The following SLC7A2 variants were observed in gnomAD, a reference collection of about 807,000 sequenced individuals.
SLC7A2 encodes solute carrier family 7 member 2, also known as cationic amino acid transporter 2.
SLC7A2 carries 48 observed loss-of-function variants against 58.9 expected under a neutral mutation model. That is an observed-to-expected ratio of 0.82 (90% CI 0.65 to 1.04). The LOEUF is 1.04. SLC7A2 is among the 50% of genes least tolerant of loss of function. The pLI, the probability that SLC7A2 is intolerant of heterozygous loss-of-function variation, is 0.00. For missense variants in SLC7A2, 1,029 were observed against 818.8 expected (o/e 1.26, Z -3.13); for synonymous variants, 363 against 314.5 (o/e 1.15, Z -1.63).
chr8:17,544,880 T>C (rs577393565), intron 4 of SLC7A2, among the ~76,000 whole-genome samples: 2 of 152,340 alleles, frequency 1.3e-5, no homozygotes, highest in Admixed American at 1.3e-4. Flanking sequence ...TTTTAAATCG[T>C]TAATTGCAGG....
chr8:17,511,425 A>G (rs1184985686), intron 2 of SLC7A2: 1 of 152,168 alleles, frequency 6.6e-6, no homozygotes, highest in Admixed American at 6.5e-5. Context: ...CCTCTTTCTC[A>G]GTCGTTGGTT....
chr8:17,532,134 G>T (rs1363064345), intron 2 of SLC7A2, among the ~76,000 whole-genome samples: 1 of 149,100 alleles, frequency 6.7e-6, no homozygotes, highest in African/African-American at 2.5e-5. Context: ...GGAGGCTGAG[G>T]CAGGAGAATC....
chr8:17,499,080 C>G (rs1800056357), intron 1 of SLC7A2: 1 of 152,298 alleles, frequency 6.6e-6, no homozygotes, highest in African/African-American at 2.4e-5. Context: ...GGTCTACCTT[C>G]TGTTCTCTTT....
Position 17,543,346 on chromosome 8 carries a change from C to G in SLC7A2, c.7C>G (p.Pro3Ala), listed in dbSNP as rs1563464294. 1.9e-6 allele frequency: 3 copies of G among 1,611,148 alleles called. No homozygotes were observed. Among genetic ancestry groups the G allele is most frequent in the Admixed American group, 1.7e-5 (1 of 59,490 alleles). Reference sequence around the variant, plus strand: ...GCCTTCGTCAGACGTCAGAATGATTCCTTGCAGAGCCGCGCTGACCTTTGC... The same window carrying G: ...GCCTTCGTCAGACGTCAGAATGATTGCTTGCAGAGCCGCGCTGACCTTTGC... MI[P>A]CRAALTFARC... Residue 3 changes from proline to alanine, a missense_variant, in exon 3 of 13, where the codon CCT becomes GCT. Pro to Ala is a conservative substitution (Grantham distance 27, BLOSUM62 -1). Coordinates refer to ENST00000494857, the MANE Select transcript of SLC7A2 (RefSeq NM_001370338.1).
chr8:17,545,063 T>C (rs1215843402), intron 4 of SLC7A2, among the ~76,000 whole-genome samples: 1 of 152,236 alleles, frequency 6.6e-6, no homozygotes, highest in Non-Finnish European at 1.5e-5. Flanking sequence ...CAAGTTCTAA[T>C]CACCTGTCAT....
intron 2 of SLC7A2, chr8:17,539,071 A>G (rs1801798641): frequency 1.5e-6 from 1 of 688,078 alleles, no homozygotes; most frequent in Non-Finnish European, 2.5e-6. Flanking sequence ...TCCAGGATCA[A>G]CTTGTGACTA....
intron 2 of SLC7A2, among the ~76,000 whole-genome samples, chr8:17,518,862 T>A (rs1033947880): frequency 3.3e-5 from 5 of 152,104 alleles, no homozygotes; most frequent in African/African-American, 9.7e-5. Context: ...TTTTTCATAC[T>A]TCTGGAGGCT....
intron 11 of SLC7A2, 29 bp from the exon 12 acceptor site, chr8:17,563,574 A>G: frequency 7.5e-7 from 1 of 1,326,296 alleles, no homozygotes; most frequent in Non-Finnish European, 1.1e-6. Flanking sequence ...AAATATGAGT[A>G]TGTTCAAAAG....
At chr8:17,522,137 G>A (rs10106231) in intron 2 of SLC7A2, among the ~76,000 whole-genome samples, 60,700 of 152,124 alleles carry the variant, frequency 0.4, 13,010 homozygotes, top group Non-Finnish European at 0.47. Context: ...TGGACTCACA[G>A]TTCCACATGG....
At chr8:17,503,915 G>A (rs1051050001) in intron 2 of SLC7A2, among the ~76,000 whole-genome samples, 3 of 152,186 alleles carry the variant, frequency 2.0e-5, no homozygotes, top group African/African-American at 4.8e-5. Flanking sequence ...AAACCTAGAA[G>A]GAGCCTGGGG....
At chr8:17,506,950 T>C (rs2150655699) in intron 2 of SLC7A2, among the ~76,000 whole-genome samples, 1 of 151,328 alleles carries the variant, frequency 6.6e-6, no homozygotes, top group Admixed American at 6.6e-5. Context: ...TGTGGAATTT[T>C]TTTTTTTTTT....
chr8:17,507,316 AATTT>A (rs1563433712), intron 2 of SLC7A2, among the ~76,000 whole-genome samples: 1 of 152,038 alleles, frequency 6.6e-6, no homozygotes. Context: ...GGTTAACTAT[AATTT>A]ATTATATAAT....
chr8:17,561,162 A>G (rs3780121), intron 10 of SLC7A2, among the ~76,000 whole-genome samples: 41,160 of 152,052 alleles, frequency 0.27, 6,231 homozygotes, highest in African/African-American at 0.41. Context: ...GAAAAGATGC[A>G]GATGATATAT....
intron 2 of SLC7A2, among the ~76,000 whole-genome samples, chr8:17,517,883 G>A (rs930967332): frequency 1.3e-5 from 2 of 152,104 alleles, no homozygotes; most frequent in Admixed American, 6.5e-5. Flanking sequence ...GGGTTATGCA[G>A]CATGGAAGAG....
At chr8:17,525,909 C>G (rs1267865333) in intron 2 of SLC7A2, among the ~76,000 whole-genome samples, 3 of 152,102 alleles carry the variant, frequency 2.0e-5, no homozygotes, top group Admixed American at 2.0e-4. Flanking sequence ...ACAAGCTTTA[C>G]TTTTTGGTAG....
intron 2 of SLC7A2, among the ~76,000 whole-genome samples, chr8:17,515,201 C>G (rs1339790011): frequency 1.3e-5 from 2 of 151,972 alleles, no homozygotes; most frequent in Non-Finnish European, 2.9e-5. Flanking sequence ...ACACCCGGTA[C>G]TTTTCCAAAG....
chr8:17,514,559 G>A (rs950975711), intron 2 of SLC7A2, among the ~76,000 whole-genome samples: 1 of 152,070 alleles, frequency 6.6e-6, no homozygotes, highest in Non-Finnish European at 1.5e-5. Context: ...ACTTAAAAAT[G>A]TAAGTTGTTC....
intron 2 of SLC7A2, among the ~76,000 whole-genome samples, chr8:17,534,602 G>T (rs1480266471): frequency 1.3e-5 from 2 of 151,026 alleles, no homozygotes; most frequent in East Asian, 2.0e-4. Context: ...GGAGCTCAGT[G>T]TGGAAATTTT....
At position 17,516,509 on chromosome 8, in the gene SLC7A2, C is replaced by T. The variant is rs1339187207; in HGVS notation, c.-23+14207C>T. ...AAAGAGCTGGGATGACAGGCGTGAG[C>T]CACCGCACCTGGCCTATGTGTTGTC... On this transcript the variant is annotated intron_variant, in intron 2 of 12. Transcript: ENST00000494857. Among the ~76,000 whole-genome samples, 3 of 152,312 alleles carry T rather than the reference C, an allele frequency of 2.0e-5. No homozygotes were observed. In the East Asian group the frequency reaches 5.8e-4, roughly 29 times the overall value.
Sources: gnomAD v4.1 joint callset for allele counts (sites outside exome capture counted in the v4.1 genomes callset) on GRCh38, gnomAD v4.1.1 for gene constraint, MANE v1.5 for transcripts, NCBI Gene and HGNC (gene_info 2026-07-23, HGNC 2026-07-21) for gene names.